KCNQ3: variants seen among roughly 807,000 people sequenced by gnomAD.
KCNQ3 encodes potassium voltage-gated channel subfamily KQT member 3.
KCNQ3 carries 30 observed loss-of-function variants against 92.5 expected under a neutral mutation model. The ratio of observed to expected loss-of-function variants is 0.32; its 90% CI spans 0.24 to 0.44. The LOEUF is 0.44. Ranked by LOEUF, KCNQ3 falls within the 20% of genes least tolerant of loss-of-function variation. The pLI is 1.00. For missense variants in KCNQ3, 913 were observed against 1,140.3 expected, an observed-to-expected ratio of 0.80 and a Z score of 2.87; for synonymous variants, 450 against 468.8, an observed-to-expected ratio of 0.96 and a Z score of 0.52.
At chr8:132,162,203 G>A (rs1425517387) in intron 9 of KCNQ3, among the ~76,000 whole-genome samples, 1 of 152,176 alleles carries the variant, frequency 6.6e-6, no homozygotes, top group Non-Finnish European at 1.5e-5. Flanking sequence ...TAAACCGGAA[G>A]TGCTGAATCC....
chr8:132,437,145 G>A (rs1476534557), intron 1 of KCNQ3, among the ~76,000 whole-genome samples: 1 of 151,792 alleles, frequency 6.6e-6, no homozygotes, highest in Non-Finnish European at 1.5e-5. Flanking sequence ...CGGGCGAGGT[G>A]GCGGGCACCT....
rs193291292 is a variant in KCNQ3, at chr8:132,169,684, G to A, written c.1235+650C>T. On this transcript the variant is annotated intron_variant, in intron 8 of 14. Coordinates refer to ENST00000388996, the MANE Select transcript of KCNQ3 (RefSeq NM_004519.4). The stretch of plus-strand genomic sequence containing the variant: ...CACTGATCCTGCTCACACATTGATC[G>A]GACCTTTCCTTATCAGCTACTCCAT... Among the ~76,000 whole-genome samples the A allele has an allele frequency of 1.6e-4, 24 of 152,124 alleles. No homozygotes were observed. In the East Asian group the frequency reaches 2.9e-3, roughly 18 times the overall value.
intron 1 of KCNQ3, among the ~76,000 whole-genome samples, chr8:132,392,813 A>AAAAAAAAC (rs1820085309): frequency 7.0e-6 from 1 of 143,618 alleles, no homozygotes; most frequent in Non-Finnish European, 1.6e-5. Context: ...AAAAAAAAAA[A>AAAAAAAAC]AGACGACAAA....
intron 9 of KCNQ3, among the ~76,000 whole-genome samples, chr8:132,159,716 T>C (rs1825925035): frequency 6.6e-6 from 1 of 152,204 alleles, no homozygotes; most frequent in African/African-American, 2.4e-5. Context: ...TCCCAGTCCT[T>C]GTTTCTTAGG....
At chr8:132,434,741 G>A (rs1053238512) in intron 1 of KCNQ3, among the ~76,000 whole-genome samples, 18 of 152,196 alleles carry the variant, frequency 1.2e-4, no homozygotes, top group African/African-American at 4.3e-4. Context: ...TTAGACATGG[G>A]CAAGGAAGAA....
At chr8:132,230,873 A>C (rs1814624709) in intron 1 of KCNQ3, among the ~76,000 whole-genome samples, 1 of 152,200 alleles carries the variant, frequency 6.6e-6, no homozygotes, top group Non-Finnish European at 1.5e-5. Context: ...CCTCAAAAAA[A>C]TTTATGTTGA....
chr8:132,220,680 C>T (rs1328563194), intron 1 of KCNQ3, among the ~76,000 whole-genome samples: 1 of 152,024 alleles, frequency 6.6e-6, no homozygotes, highest in African/African-American at 2.4e-5. Context: ...GTTTGGGAGG[C>T]AGAGGTTGCA....
chr8:132,385,440 C>T (rs971939597), intron 1 of KCNQ3, among the ~76,000 whole-genome samples: 6 of 152,174 alleles, frequency 3.9e-5, no homozygotes, highest in Non-Finnish European at 8.8e-5. Flanking sequence ...AAACTCAATC[C>T]CCAGTGCAGC....
chr8:132,183,281 G>A lies in KCNQ3; in HGVS notation c.604+960C>T, dbSNP rs183477768. On this transcript the variant is annotated intron_variant, in intron 3 of 14. Coordinates refer to ENST00000388996, the MANE Select transcript of KCNQ3 (RefSeq NM_004519.4). ...AGAAGACTCTTCTGGAGTAGAGAGGGGGAATAACATGTCTAGACTCAAATA... is the reference window on the plus strand; with the variant it reads ...AGAAGACTCTTCTGGAGTAGAGAGGAGGAATAACATGTCTAGACTCAAATA... Among the ~76,000 whole-genome samples the A allele has an allele frequency of 8.6e-4, 131 of 152,206 alleles. 1 individual carries two copies. The highest frequency in any genetic ancestry group is 3.1e-3 in the African/African-American group (130 of 41,516).
intron 1 of KCNQ3, chr8:132,186,715 G>T (rs1028671072): frequency 4.0e-6 from 1 of 247,242 alleles, no homozygotes; most frequent in African/African-American, 2.3e-5. Context: ...ACAGTCAATG[G>T]AACCTCTTTC....
intron 1 of KCNQ3, among the ~76,000 whole-genome samples, chr8:132,211,336 T>C (rs1002169876): frequency 6.6e-6 from 1 of 152,230 alleles, no homozygotes; most frequent in African/African-American, 2.4e-5. Flanking sequence ...TGTATTGTCT[T>C]TGAGCTATTT....
At chr8:132,309,984 CT>C (rs1316664930) in intron 1 of KCNQ3, among the ~76,000 whole-genome samples, 2 of 152,232 alleles carry the variant, frequency 1.3e-5, no homozygotes, top group Non-Finnish European at 2.9e-5. Flanking sequence ...TTCTTTTCCA[CT>C]TCAATCCAAT....
intron 3 of KCNQ3, among the ~76,000 whole-genome samples, chr8:132,180,847 A>AAC (rs1826738975): frequency 6.6e-6 from 1 of 151,468 alleles, no homozygotes; most frequent in Non-Finnish European, 1.5e-5. Context: ...AAAAAAAAAA[A>AAC]AAACCAATGT....
chr8:132,294,236 C>T (rs190784751), intron 1 of KCNQ3, among the ~76,000 whole-genome samples: 23 of 152,186 alleles, frequency 1.5e-4, no homozygotes, highest in African/African-American at 5.3e-4. Context: ...CTCCTGACCT[C>T]GTGATCCACC....
chr8:132,393,855 G>A (rs1344882605), intron 1 of KCNQ3, among the ~76,000 whole-genome samples: 1 of 152,150 alleles, frequency 6.6e-6, no homozygotes. Context: ...TACCCTCCCA[G>A]TCTTGTTGCA....
At chr8:132,400,309 T>C (rs917148300) in intron 1 of KCNQ3, among the ~76,000 whole-genome samples, 10 of 152,224 alleles carry the variant, frequency 6.6e-5, no homozygotes, top group African/African-American at 2.2e-4. Flanking sequence ...TCATGGCTCA[T>C]TTAACCACGA....
intron 6 of KCNQ3, among the ~76,000 whole-genome samples, chr8:132,173,763 T>A (rs1368189549): frequency 6.6e-6 from 1 of 152,188 alleles, no homozygotes; most frequent in Non-Finnish European, 1.5e-5. Flanking sequence ...GGTCAAGGCT[T>A]ATTCTTGAGA....
intron 1 of KCNQ3, among the ~76,000 whole-genome samples, chr8:132,393,172 A>G (rs185625504): frequency 4.6e-5 from 7 of 152,166 alleles, no homozygotes; most frequent in Non-Finnish European, 8.8e-5. Flanking sequence ...GGGAGAAGCC[A>G]CTCTATCTAA....
intron 1 of KCNQ3, among the ~76,000 whole-genome samples, chr8:132,345,867 T>C (rs1042987184): frequency 6.6e-6 from 1 of 152,044 alleles, no homozygotes; most frequent in Non-Finnish European, 1.5e-5. Flanking sequence ...GAAATGGTGA[T>C]GATGGTGAGG....
Sources: gnomAD v4.1 joint callset for allele counts (sites outside exome capture counted in the v4.1 genomes callset) on GRCh38, gnomAD v4.1.1 for gene constraint, MANE v1.5 for transcripts, NCBI Gene and HGNC (gene_info 2026-07-23, HGNC 2026-07-21) for gene names.